The following ABLIM1 variants were observed in gnomAD, a reference collection of about 807,000 sequenced individuals.
The protein encoded by ABLIM1 is actin-binding LIM protein 1.
ABLIM1 carries 40 observed loss-of-function variants against 107.0 expected under a neutral mutation model. The observed-to-expected ratio is 0.37, with a 90% CI of 0.29 to 0.49. ABLIM1 has a LOEUF of 0.49. ABLIM1 is among the 20% of genes least tolerant of loss of function. The probability of loss-of-function intolerance (pLI) is 0.97; values close to 1 mark genes in which losing one functional copy is unlikely to be tolerated. For synonymous variants in ABLIM1, 357 were observed against 357.3 expected (o/e 1.00, Z 0.01); for missense variants, 857 against 1,008.5 (o/e 0.85, Z 2.04).
intron 8 of ABLIM1, among the ~76,000 whole-genome samples, chr10:114,486,801 T>C (rs2058259431): frequency 6.6e-6 from 1 of 152,164 alleles, no homozygotes; most frequent in African/African-American, 2.4e-5. Flanking sequence ...AAGGGACAAG[T>C]TCCTAAAATA....
intron 4 of ABLIM1, among the ~76,000 whole-genome samples, chr10:114,565,983 G>A (rs1462714083): frequency 6.6e-6 from 1 of 151,902 alleles, no homozygotes; most frequent in African/African-American, 2.4e-5. Context: ...TTTTAGTAGA[G>A]ATGGGGTTTC....
chr10:114,533,623 C>A (rs766493897), intron 6 of ABLIM1, among the ~76,000 whole-genome samples: 1 of 152,196 alleles, frequency 6.6e-6, no homozygotes, highest in Non-Finnish European at 1.5e-5. Flanking sequence ...ATGCCCATTA[C>A]TTGGCCATTT....
In ABLIM1 at chr10:114,433,418, TGGAGTAGGGG is replaced by T. The variant is rs2059057202; in HGVS notation, c.*2832_*2841del. ...CCAGCTGGAGCCTTTTGCTGGGAAATGGAGTAGGGGGCCCACTCTGCATTATGGTTTCCAA... is the reference window on the plus strand; with the variant it reads ...CCAGCTGGAGCCTTTTGCTGGGAAATGCCCACTCTGCATTATGGTTTCCAA... On this transcript the variant is annotated 3_prime_UTR_variant, in exon 23 of 23. Coordinates refer to ENST00000533213, the MANE Select transcript of ABLIM1 (RefSeq NM_002313.7). The T allele has an allele frequency of 6.6e-6, 1 of 152,172 alleles. No individual in the cohort carries two copies. Among genetic ancestry groups the T allele is most frequent in the African/African-American group, 2.4e-5 (1 of 41,432 alleles). The allele number at this position is 152,172 out of a possible 1,614,324, so 9.4% of individuals were successfully genotyped here.
intron 4 of ABLIM1, among the ~76,000 whole-genome samples, chr10:114,549,891 G>C (rs1303423016): frequency 6.6e-6 from 1 of 152,196 alleles, no homozygotes; most frequent in Non-Finnish European, 1.5e-5. Context: ...TCATAAAAAA[G>C]TAGTAAAGAA....
intron 1 of ABLIM1, among the ~76,000 whole-genome samples, chr10:114,752,023 T>C (rs1253146944): frequency 6.6e-6 from 1 of 152,140 alleles, no homozygotes; most frequent in Non-Finnish European, 1.5e-5. Context: ...AACCCTTTGC[T>C]CAAGTAACAT....
At chr10:114,514,448 A>C in intron 6 of ABLIM1, among the ~76,000 whole-genome samples, 1 of 152,066 alleles carries the variant, frequency 6.6e-6, no homozygotes, top group East Asian at 1.9e-4. Context: ...ATCACAGCTC[A>C]CTGCAGACTC....
At chr10:114,460,396 T>C (rs1589913875) in intron 12 of ABLIM1, among the ~76,000 whole-genome samples, 1 of 152,132 alleles carries the variant, frequency 6.6e-6, no homozygotes, top group Non-Finnish European at 1.5e-5. Context: ...AGGTCAAGAG[T>C]TCGAGACCAG....
chr10:114,625,716 G>A (rs2140532148), intron 1 of ABLIM1, among the ~76,000 whole-genome samples: 1 of 152,288 alleles, frequency 6.6e-6, no homozygotes, highest in South Asian at 2.1e-4. Context: ...TACCACCCCT[G>A]TGGTCATTCA....
intron 1 of ABLIM1, among the ~76,000 whole-genome samples, chr10:114,692,788 G>C (rs112580026): frequency 5.3e-5 from 8 of 152,152 alleles, no homozygotes; most frequent in African/African-American, 1.9e-4. Flanking sequence ...TATTCAGGAG[G>C]CTGAGGCAGG....
chr10:114,628,832 T>G (rs2077986848), intron 1 of ABLIM1, among the ~76,000 whole-genome samples: 1 of 152,220 alleles, frequency 6.6e-6, no homozygotes, highest in Non-Finnish European at 1.5e-5. Context: ...CCTTTTGTAT[T>G]CTTAAAACTT....
intron 1 of ABLIM1, among the ~76,000 whole-genome samples, chr10:114,739,682 A>T (rs1394220909): frequency 6.6e-6 from 1 of 152,158 alleles, no homozygotes; most frequent in Non-Finnish European, 1.5e-5. Flanking sequence ...CCAGAAAACA[A>T]AATAATTGCA....
chr10:114,604,462 C>A (rs2076272993), intron 1 of ABLIM1, among the ~76,000 whole-genome samples: 1 of 152,174 alleles, frequency 6.6e-6, no homozygotes, highest in Non-Finnish European at 1.5e-5. Context: ...GAGCATGGCA[C>A]CCAGGTGGTA....
At chr10:114,559,794 T>G (rs534363880) in intron 4 of ABLIM1, among the ~76,000 whole-genome samples, 53 of 152,334 alleles carry the variant, frequency 3.5e-4, no homozygotes, top group African/African-American at 1.2e-3. Flanking sequence ...TTGATACTCT[T>G]TTTTCTGGAG....
intron 6 of ABLIM1, among the ~76,000 whole-genome samples, chr10:114,524,941 C>T (rs1343199202): frequency 6.6e-6 from 1 of 152,246 alleles, no homozygotes; most frequent in Non-Finnish European, 1.5e-5. Context: ...TTGGACCCCG[C>T]CAGGCCTCCC....
At chr10:114,737,017 C>T (rs1394129951) in intron 1 of ABLIM1, among the ~76,000 whole-genome samples, 1 of 152,000 alleles carries the variant, frequency 6.6e-6, no homozygotes, top group Non-Finnish European at 1.5e-5. Context: ...GGGAAAACCC[C>T]ATCTCTACTA....
chr10:114,690,495 T>C (rs2081052378), intron 1 of ABLIM1: 2 of 1,544,556 alleles, frequency 1.3e-6, no homozygotes, highest in East Asian at 4.5e-5. Context: ...GCGGGAGCCC[T>C]TACAACCAAA....
At chr10:114,490,573 G>A (rs1222175999) in intron 7 of ABLIM1, among the ~76,000 whole-genome samples, 2 of 152,042 alleles carry the variant, frequency 1.3e-5, no homozygotes, top group Non-Finnish European at 2.9e-5. Flanking sequence ...AGCTCTTATG[G>A]GTTTTGCTAA....
At chr10:114,530,203 C>G (rs2136945574) in intron 6 of ABLIM1, among the ~76,000 whole-genome samples, 1 of 152,272 alleles carries the variant, frequency 6.6e-6, no homozygotes, top group South Asian at 2.1e-4. Flanking sequence ...AAAGCCTCAA[C>G]AAAGCTGCTA....
At chr10:114,531,814 C>A (rs190818250) in intron 6 of ABLIM1, among the ~76,000 whole-genome samples, 4 of 152,052 alleles carry the variant, frequency 2.6e-5, no homozygotes, top group Middle Eastern at 3.2e-3. Context: ...CCGCCCTCCA[C>A]CAGATTATTT....
Sources: allele counts gnomAD v4.1 joint callset (sites outside exome capture counted in the v4.1 genomes callset), GRCh38; gene constraint gnomAD v4.1.1; transcripts MANE v1.5; gene names NCBI Gene and HGNC (gene_info 2026-07-23, HGNC 2026-07-21).